TMTC1: variants seen among roughly 807,000 people sequenced by gnomAD.
TMTC1 encodes transmembrane O-mannosyltransferase targeting cadherins 1.
Under a neutral mutation model 104.8 loss-of-function variants are expected in TMTC1, and 73 were observed. The observed-to-expected ratio is 0.70, with a 90% CI of 0.58 to 0.85. The LOEUF is 0.85. Among genes scored for constraint, TMTC1 ranks in the 40% least tolerant of loss-of-function variants. The pLI, the probability that TMTC1 is intolerant of heterozygous loss-of-function variation, is 0.00. For missense variants in TMTC1, 1,035 were observed against 1,096.1 expected (o/e 0.94, Z 0.79); for synonymous variants, 434 against 428.7 (o/e 1.01, Z -0.15).
chr12:29,514,641 A>AT lies in TMTC1; in HGVS notation c.2308-38dup, dbSNP rs1943932781. On this transcript the variant is annotated intron_variant, in intron 15 of 17. Transcript: ENST00000539277. ...GGAAATTAAGACAGAATAAATGCAG[A>AT]TTAGGTAAAGAAAAACTTATTTAAC... 1.9e-6 allele frequency: 3 copies of AT among 1,580,920 alleles called. No individual in the cohort carries two copies. In the African/African-American group the frequency reaches 4.1e-5, roughly 22 times the overall value.
rs1046478324 is a variant in TMTC1 at position 29,758,849 on chromosome 12, A to G, written c.481-72T>C. ...CAGAAAACTATTACACAAATCCATTACAGAAATGTATTTGTTGTTAGATAA... is the reference window on the plus strand; with the variant it reads ...CAGAAAACTATTACACAAATCCATTGCAGAAATGTATTTGTTGTTAGATAA... On this transcript the variant is annotated intron_variant, in intron 2 of 17. Transcript: ENST00000539277. 5 of 1,269,120 alleles carry G rather than the reference A, an allele frequency of 3.9e-6. No individual in the cohort carries two copies. The African/African-American group carries it at 7.6e-5, about 19-fold the overall frequency. 78.6% of individuals were successfully genotyped at this position (1,269,120 alleles called of 1,614,324 possible).
chr12:29,768,226 T>G (rs1048667101), intron 1 of TMTC1, among the ~76,000 whole-genome samples, 151 bp from the exon 2 acceptor site: 2 of 152,222 alleles, frequency 1.3e-5, no homozygotes, highest in Non-Finnish European at 2.9e-5. Flanking sequence ...TTTTTAGCCT[T>G]GGGTATGTAT....
At chr12:29,692,445 G>C (rs543594269) in intron 5 of TMTC1, among the ~76,000 whole-genome samples, 2 of 144,872 alleles carry the variant, frequency 1.4e-5, no homozygotes, top group South Asian at 4.4e-4. Context: ...TAGTCAAAAT[G>C]AGATACCACT....
intron 7 of TMTC1, among the ~76,000 whole-genome samples, chr12:29,602,828 G>A (rs751978212): frequency 6.6e-6 from 1 of 152,106 alleles, no homozygotes; most frequent in Non-Finnish European, 1.5e-5. Flanking sequence ...ACTTACTTGT[G>A]TAGCACTAGA....
chr12:29,586,328 AT>A (rs1946132907), intron 7 of TMTC1, among the ~76,000 whole-genome samples: 1 of 152,014 alleles, frequency 6.6e-6, no homozygotes, highest in African/African-American at 2.4e-5. Context: ...GCTTAAGGAG[AT>A]TTTGGGCTGA....
intron 9 of TMTC1, among the ~76,000 whole-genome samples, chr12:29,563,564 G>T (rs34555972): frequency 0.19 from 28,270 of 152,070 alleles, 3,068 homozygotes; most frequent in East Asian, 0.37. Flanking sequence ...GGAGCTAGGG[G>T]TGTGAAACAT....
intron 5 of TMTC1, among the ~76,000 whole-genome samples, chr12:29,716,843 G>A (rs1281242436): frequency 1.3e-5 from 2 of 151,976 alleles, no homozygotes; most frequent in Non-Finnish European, 1.5e-5. Context: ...GTGAAACCCC[G>A]TCTCTACTAA....
At chr12:29,567,405 T>C (rs1412137203) in intron 9 of TMTC1, among the ~76,000 whole-genome samples, 1 of 152,182 alleles carries the variant, frequency 6.6e-6, no homozygotes, top group Non-Finnish European at 1.5e-5. Flanking sequence ...GTTTTTTTTT[T>C]CTAAATGAAA....
At chr12:29,616,364 C>T (rs1007139456) in intron 6 of TMTC1, among the ~76,000 whole-genome samples, 1 of 152,156 alleles carries the variant, frequency 6.6e-6, no homozygotes, top group Non-Finnish European at 1.5e-5. Flanking sequence ...ATAGCCATCA[C>T]GCTACAGTTG....
chr12:29,525,378 G>A (rs1944312510), intron 11 of TMTC1, among the ~76,000 whole-genome samples: 3 of 151,484 alleles, frequency 2.0e-5, no homozygotes, highest in African/African-American at 7.3e-5. Flanking sequence ...TAGAGACAGG[G>A]TTTCACCATG....
chr12:29,585,358 A>G (rs1469135831), intron 7 of TMTC1, among the ~76,000 whole-genome samples: 6 of 152,174 alleles, frequency 3.9e-5, no homozygotes, highest in Admixed American at 1.3e-4. Flanking sequence ...TCAGATGAGT[A>G]GGTTGCAAAA....
intron 10 of TMTC1, among the ~76,000 whole-genome samples, chr12:29,541,477 A>C (rs767646585): frequency 8.5e-5 from 13 of 152,246 alleles, no homozygotes; most frequent in Non-Finnish European, 1.6e-4. Context: ...TGTTTCTAAA[A>C]ATCACCCATT....
intron 5 of TMTC1, among the ~76,000 whole-genome samples, chr12:29,743,898 T>C (rs1942887804): frequency 6.6e-6 from 1 of 152,152 alleles, no homozygotes; most frequent in East Asian, 1.9e-4. Context: ...GAGCACTAGC[T>C]GTGTTCTGCA....
intron 5 of TMTC1, among the ~76,000 whole-genome samples, chr12:29,725,775 T>C (rs1393149137): frequency 1.3e-5 from 2 of 152,230 alleles, no homozygotes; most frequent in African/African-American, 4.8e-5. Context: ...TGCTACAACA[T>C]TCAATCTTCT....
intron 17 of TMTC1, among the ~76,000 whole-genome samples, chr12:29,511,419 G>T (rs181653806): frequency 2.6e-4 from 39 of 152,130 alleles, no homozygotes; most frequent in African/African-American, 9.2e-4. Context: ...CGCCATAAAT[G>T]CTTATAAAAT....
chr12:29,764,608 A>G (rs1943422798), intron 2 of TMTC1, among the ~76,000 whole-genome samples: 1 of 152,190 alleles, frequency 6.6e-6, no homozygotes, highest in Admixed American at 6.5e-5. Flanking sequence ...ATTGAAATCC[A>G]TGACTAAATA....
At chr12:29,562,843 A>G (rs1592236643) in intron 9 of TMTC1, among the ~76,000 whole-genome samples, 1 of 152,042 alleles carries the variant, frequency 6.6e-6, no homozygotes. Flanking sequence ...CAGCTGCAGG[A>G]CCTCTGGGTG....
chr12:29,636,301 C>T (rs1938545331), intron 5 of TMTC1, among the ~76,000 whole-genome samples: 1 of 152,110 alleles, frequency 6.6e-6, no homozygotes, highest in African/African-American at 2.4e-5. Context: ...AATAGAATTG[C>T]AATAGTAACA....
intron 5 of TMTC1, among the ~76,000 whole-genome samples, chr12:29,643,725 A>T (rs186545866): frequency 2.0e-4 from 2 of 9,904 alleles, no homozygotes; most frequent in Admixed American, 3.0e-3. Flanking sequence ...ATAATATATA[A>T]ATATATATTA....
Sources: allele counts gnomAD v4.1 joint callset (sites outside exome capture counted in the v4.1 genomes callset), GRCh38; gene constraint gnomAD v4.1.1; transcripts MANE v1.5; gene names NCBI Gene and HGNC (gene_info 2026-07-23, HGNC 2026-07-21).